The following MAP4 variants were observed in gnomAD, a reference collection of about 807,000 sequenced individuals.
The protein encoded by MAP4 is microtubule associated protein 4, also known as microtubule-associated protein 4.
In MAP4, 76 loss-of-function variants were observed where a neutral mutation model predicts 170.2. That is an observed-to-expected ratio of 0.45 (90% CI 0.37 to 0.54). MAP4 has a LOEUF of 0.54. MAP4 is among the 20% of genes least tolerant of loss of function. MAP4 has a pLI of 0.00. For missense variants in MAP4, 2,506 were observed against 2,748.0 expected, an observed-to-expected ratio of 0.91 and a Z score of 1.97; for synonymous variants, 909 against 994.5, an observed-to-expected ratio of 0.91 and a Z score of 1.62.
chr3:48,065,815 G>T (rs2100138039), intron 1 of MAP4, among the ~76,000 whole-genome samples: 3 of 152,048 alleles, frequency 2.0e-5, no homozygotes, highest in Non-Finnish European at 4.4e-5. Context: ...TAAGCCAGAA[G>T]ATAATGGAAT....
At chr3:47,858,614 T>TGTGTGTGTGC (rs1491506129) in intron 17 of MAP4, among the ~76,000 whole-genome samples, 41 of 138,508 alleles carry the variant, frequency 3.0e-4, no homozygotes, top group South Asian at 9.3e-4. Context: ...TGTGTGTGTG[T>TGTGTGTGTGC]GCGCGTTGTG....
chr3:48,047,721 G>A (rs773939298), intron 1 of MAP4, among the ~76,000 whole-genome samples: 11 of 152,170 alleles, frequency 7.2e-5, no homozygotes, highest in Middle Eastern at 3.2e-3. Context: ...AAACACATGG[G>A]TGTTTTGGTG....
chr3:47,879,203 T>A (rs2096178369), intron 10 of MAP4, among the ~76,000 whole-genome samples: 1 of 151,888 alleles, frequency 6.6e-6, no homozygotes, highest in African/African-American at 2.4e-5. Context: ...CATGGAGAAA[T>A]TCTTTTATGA....
intron 17 of MAP4, among the ~76,000 whole-genome samples, chr3:47,866,988 A>C (rs1305439645): frequency 6.6e-6 from 1 of 152,194 alleles, no homozygotes; most frequent in Non-Finnish European, 1.5e-5. Flanking sequence ...ACATAGCTGG[A>C]GAAAAATCCA....
intron 2 of MAP4, among the ~76,000 whole-genome samples, chr3:47,978,146 T>C (rs1488666768): frequency 6.6e-6 from 1 of 152,188 alleles, no homozygotes; most frequent in African/African-American, 2.4e-5. Flanking sequence ...CTCTGTAAAG[T>C]ACCAGTTCCA....
chr3:47,987,421 G>GA, intron 2 of MAP4: 2 of 1,531,322 alleles, frequency 1.3e-6, no homozygotes, highest in Non-Finnish European at 1.7e-6. Flanking sequence ...AGGGTGTGGG[G>GA]GTAGTGGGAG....
At position 47,852,760 on chromosome 3, in the gene MAP4, C is replaced by G. The variant is rs1282509286; in HGVS notation, c.*174G>C. On this transcript the variant is annotated 3_prime_UTR_variant, in exon 21 of 21. Transcript: ENST00000683076. ...CAGGAGGGAAGGCGAGCCTAGCGGGCTGCCCAGCACGGCGCCCAAGCGCTC... is the reference window on the plus strand; with the variant it reads ...CAGGAGGGAAGGCGAGCCTAGCGGGGTGCCCAGCACGGCGCCCAAGCGCTC... The G allele has an allele frequency of 6.5e-7, 1 of 1,541,638 alleles. No individual in the cohort carries two copies. The highest frequency in any genetic ancestry group is 2.0e-5 in the Admixed American group (1 of 50,534).
At chr3:47,955,471 CACACACACACT>C (rs1353415406) in intron 3 of MAP4, among the ~76,000 whole-genome samples, 4 of 151,036 alleles carry the variant, frequency 2.6e-5, no homozygotes. Flanking sequence ...CACACACACA[CACACACACACT>C]AGTCAACTAT....
intron 2 of MAP4, among the ~76,000 whole-genome samples, chr3:47,986,473 C>T (rs1039868696): frequency 6.6e-6 from 1 of 151,852 alleles, no homozygotes; most frequent in Non-Finnish European, 1.5e-5. Flanking sequence ...CCTGAGCAGC[C>T]GGGATTACAG....
intron 1 of MAP4, among the ~76,000 whole-genome samples, chr3:48,083,160 G>C (rs2100147443): frequency 1.3e-5 from 2 of 152,188 alleles, no homozygotes; most frequent in Admixed American, 1.3e-4. Context: ...AAAGTCTGTA[G>C]TTTGCTCAAT....
chr3:48,004,785 CT>C (rs2100101275), intron 1 of MAP4, among the ~76,000 whole-genome samples: 1 of 152,216 alleles, frequency 6.6e-6, no homozygotes. Context: ...CTCTGGTGAA[CT>C]TTTTTTGCCA....
At chr3:47,974,198 G>C (rs2154256180) in intron 3 of MAP4, 1 of 792,962 alleles carries the variant, frequency 1.3e-6, no homozygotes, top group Non-Finnish European at 1.5e-6. Flanking sequence ...GGCCAAGGCG[G>C]GTGGATCACT....
At position 47,853,110 on chromosome 3, in the gene MAP4, G is replaced by T. The variant is rs948855587; in HGVS notation, c.6886+53C>A. ...GTCAAAAACAAAGGAGTTTCAATTTGCGGCCAGTGGCAGGGCCCCTGGCTG... is the reference window on the plus strand; with the variant it reads ...GTCAAAAACAAAGGAGTTTCAATTTTCGGCCAGTGGCAGGGCCCCTGGCTG... On this transcript the variant is annotated intron_variant, in intron 20 of 20. Transcript: ENST00000683076. 1.2e-4 allele frequency: 189 copies of T among 1,613,242 alleles called. 1 individual carries two copies. In the East Asian group the frequency reaches 3.9e-3, roughly 33 times the overall value.
chr3:47,893,252 GATAT>G (rs1169723940), intron 10 of MAP4, among the ~76,000 whole-genome samples: 2 of 152,172 alleles, frequency 1.3e-5, no homozygotes, highest in Non-Finnish European at 2.9e-5. Context: ...TTTGGGGATA[GATAT>G]TCTAATTATA....
At chr3:47,856,425 T>G (rs1042045601) in intron 18 of MAP4, among the ~76,000 whole-genome samples, 2 of 152,112 alleles carry the variant, frequency 1.3e-5, no homozygotes, top group Non-Finnish European at 2.9e-5. Flanking sequence ...CTAAACTGGA[T>G]CATGCTCTTC....
At position 47,916,412 on chromosome 3, in the gene MAP4, A is replaced by T. The variant is rs1402607074; in HGVS notation, c.1415T>A (p.Val472Glu). Residue 472 changes from valine (V) to glutamate (E), a missense_variant, in exon 7 of 21, where the codon GTG becomes GAG. Around this residue, in one of 3 missense-constraint regions of MAP4, gnomAD observed 2,008 missense variants for 2,206.0 expected, o/e 0.91. Transcript: ENST00000683076. ...TTGAGCCATGTCCTTGACTGGGGCC[A>T]CCTCTGCTTCTAAAGGTAGTGCTTT... ...KDKALPLEAE[V>E]APVKDMAQLP... The T allele has an allele frequency of 6.2e-7, 1 of 1,614,100 alleles. No individual in the cohort carries two copies. Among genetic ancestry groups the T allele is most frequent in the Non-Finnish European group, 8.5e-7 (1 of 1,180,016 alleles).
chr3:47,881,725 G>A (rs747497259), intron 10 of MAP4, among the ~76,000 whole-genome samples: 1 of 150,772 alleles, frequency 6.6e-6, no homozygotes, highest in Non-Finnish European at 1.5e-5. Context: ...TCCTACCTCA[G>A]CTCCTGAATA....
intron 1 of MAP4, among the ~76,000 whole-genome samples, chr3:48,009,560 C>G (rs1305249319): frequency 6.6e-6 from 1 of 152,218 alleles, no homozygotes; most frequent in African/African-American, 2.4e-5. Context: ...GCTGGATTGA[C>G]AGAACAGTGG....
intron 3 of MAP4, among the ~76,000 whole-genome samples, chr3:47,934,551 C>T (rs887352894): frequency 2.0e-5 from 3 of 152,214 alleles, no homozygotes; most frequent in Non-Finnish European, 4.4e-5. Context: ...GTCCACCCAT[C>T]TTGGCCTCCC....
Sources: gnomAD v4.1 joint callset for allele counts (sites outside exome capture counted in the v4.1 genomes callset) on GRCh38, gnomAD v4.1.1 for gene constraint, gnomAD v4.1.1 regional missense constraint, MANE v1.5 for transcripts, NCBI Gene and HGNC (gene_info 2026-07-23, HGNC 2026-07-21) for gene names.